Variants in EMCN observed in about 807,000 individuals in gnomAD.
The protein encoded by EMCN is MUC-14.
EMCN carries 37 observed loss-of-function variants against 38.4 expected under a neutral mutation model. The ratio of observed to expected loss-of-function variants is 0.96; its 90% CI spans 0.74 to 1.27. The LOEUF is 1.27. Ranked by LOEUF, EMCN falls within the 50% of genes most tolerant of loss-of-function variation. EMCN has a pLI of 0.00. For missense variants in EMCN, 318 were observed against 302.8 expected, an observed-to-expected ratio of 1.05 and a Z score of -0.37; for synonymous variants, 95 against 100.8, an observed-to-expected ratio of 0.94 and a Z score of 0.35.
intron 5 of EMCN, among the ~76,000 whole-genome samples, chr4:100,445,730 A>G (rs566342394): frequency 6.6e-6 from 1 of 152,304 alleles, no homozygotes; most frequent in East Asian, 1.9e-4. Context: ...AAAAACCAGA[A>G]GTATAAAGAA....
At chr4:100,435,853 C>A (rs1302381412) in intron 5 of EMCN, among the ~76,000 whole-genome samples, 1 of 152,128 alleles carries the variant, frequency 6.6e-6, no homozygotes, top group Non-Finnish European at 1.5e-5. Context: ...GGACCCCTTC[C>A]TTATACCTTA....
In EMCN at chr4:100,467,608, A is replaced by T. The variant is rs186094418; in HGVS notation, c.260-2069T>A. Among the ~76,000 whole-genome samples the T allele has an allele frequency of 6.0e-3, 903 of 150,004 alleles. 11 individuals are homozygous for T. The highest frequency in any genetic ancestry group is 0.01 in the Non-Finnish European group (687 of 67,518). On this transcript the variant is annotated intron_variant, in intron 3 of 11. Transcript: ENST00000296420. ...GAGGCAGGAGAATGGCATGAACCCA[A>T]GAGGCGGAGCTTGCAGTGAGCCGGG...
intron 4 of EMCN, among the ~76,000 whole-genome samples, chr4:100,454,149 T>G (rs939013022): frequency 1.3e-5 from 2 of 150,286 alleles, no homozygotes; most frequent in African/African-American, 2.5e-5. Flanking sequence ...GTTGTGCACA[T>G]GTACCCTAAA....
intron 7 of EMCN, among the ~76,000 whole-genome samples, chr4:100,421,922 T>G (rs911030910): frequency 6.6e-6 from 1 of 152,026 alleles, no homozygotes; most frequent in Non-Finnish European, 1.5e-5. Context: ...GATGTGTATG[T>G]GTGTCTGTTT....
rs747921609 is a variant in EMCN at position 100,423,296 on chromosome 4, C to A, written c.508+16G>T. Reference sequence around the variant, plus strand: ...CAGGTAGAGCAGATTTCCACTCAGGCACACAGATATCATACCTTGAGACTG... The same window carrying A: ...CAGGTAGAGCAGATTTCCACTCAGGAACACAGATATCATACCTTGAGACTG... On this transcript the variant is annotated intron_variant, in intron 6 of 11. Transcript: ENST00000296420. The A allele has an allele frequency of 6.3e-7, 1 of 1,585,424 alleles. No individual in the cohort carries two copies. Among genetic ancestry groups the A allele is most frequent in the Admixed American group, 1.7e-5 (1 of 59,806 alleles).
intron 1 of EMCN, among the ~76,000 whole-genome samples, chr4:100,505,294 T>G (rs1002991322): frequency 1.3e-5 from 2 of 152,130 alleles, no homozygotes; most frequent in Admixed American, 1.3e-4. Context: ...TTCTACAATC[T>G]CTCATCTCCA....
intron 8 of EMCN, among the ~76,000 whole-genome samples, chr4:100,420,556 G>A (rs1266139948): frequency 6.6e-6 from 1 of 151,872 alleles, no homozygotes; most frequent in Admixed American, 6.6e-5. Context: ...GAGTTGAAGG[G>A]GTATTTAGGT....
At chr4:100,441,094 A>C (rs9918028) in intron 5 of EMCN, among the ~76,000 whole-genome samples, 30,220 of 151,956 alleles carry the variant, frequency 0.2, 3,350 homozygotes, top group Middle Eastern at 0.32. Context: ...TCTCAAAAAA[A>C]AAAAAAGTGG....
chr4:100,516,577 C>A (rs1361579167), intron 1 of EMCN, among the ~76,000 whole-genome samples: 5 of 152,078 alleles, frequency 3.3e-5, no homozygotes, highest in African/African-American at 4.8e-5. Flanking sequence ...AAATCAGATT[C>A]TAGTAACTCT....
At chr4:100,477,740 G>A (rs777766864) in intron 2 of EMCN, among the ~76,000 whole-genome samples, 57 of 152,100 alleles carry the variant, frequency 3.7e-4, no homozygotes, top group Non-Finnish European at 7.2e-4. Flanking sequence ...TGGCTAAGAG[G>A]ACCATACTGG....
chr4:100,414,842 G>A (rs1236409819), intron 10 of EMCN, among the ~76,000 whole-genome samples: 1 of 152,196 alleles, frequency 6.6e-6, no homozygotes, highest in South Asian at 2.1e-4. Flanking sequence ...TGGGGAATTG[G>A]TTATTATAAA....
chr4:100,417,772 C>G (rs1726776936), intron 8 of EMCN, among the ~76,000 whole-genome samples: 1 of 152,184 alleles, frequency 6.6e-6, no homozygotes, highest in Admixed American at 6.6e-5. Flanking sequence ...CAGAATGATT[C>G]ATTCTGCACA....
At position 100,445,507 on chromosome 4, in the gene EMCN, G is replaced by A. The variant is rs372898721; in HGVS notation, c.415+2026C>T. On this transcript the variant is annotated intron_variant, in intron 5 of 11. Coordinates refer to ENST00000296420, the MANE Select transcript of EMCN (RefSeq NM_016242.4). The stretch of plus-strand genomic sequence containing the variant: ...GAGAACTGTGTGTGATATATTCAAA[G>A]ACTGAATCCATATTTGCTTATATTT... Among the ~76,000 whole-genome samples the A allele has an allele frequency of 4.5e-3, 686 of 152,128 alleles. 4 individuals are homozygous for A. The highest frequency in any genetic ancestry group is 0.016 in the African/African-American group (659 of 41,528).
chr4:100,432,385 A>G (rs1727227593), intron 5 of EMCN, among the ~76,000 whole-genome samples: 1 of 152,158 alleles, frequency 6.6e-6, no homozygotes, highest in Non-Finnish European at 1.5e-5. Context: ...ATGACATATT[A>G]CTTTATACCT....
intron 4 of EMCN, among the ~76,000 whole-genome samples, chr4:100,455,725 C>G (rs746106125): frequency 6.6e-6 from 1 of 151,930 alleles, no homozygotes; most frequent in South Asian, 2.1e-4. Flanking sequence ...ACTTGGGGCT[C>G]TTTAAGTTAC....
Position 100,425,077 on chromosome 4 carries a change from C to G in EMCN, c.416-1673G>C, listed in dbSNP as rs1000964994. ...TGGAAAGATTTGGTGGCTGCTTGAA[C>G]AAATACTTTAAAAATTTGTTTTGTT... is the stretch of plus-strand genomic sequence containing the variant. On this transcript the variant is annotated intron_variant, in intron 5 of 11. Coordinates refer to ENST00000296420, the MANE Select transcript of EMCN (RefSeq NM_016242.4). Among the ~76,000 whole-genome samples the G allele has an allele frequency of 4.0e-5, 6 of 150,340 alleles. No homozygotes were observed. In the Admixed American group the frequency reaches 4.0e-4, roughly 10 times the overall value.
chr4:100,475,669 T>G (rs896805326), intron 2 of EMCN, among the ~76,000 whole-genome samples: 2,068 of 107,054 alleles, frequency 0.019, 245 homozygotes, highest in Non-Finnish European at 0.031. Context: ...CTTTTTTTTT[T>G]TTTTTTTTTT....
chr4:100,401,074 T>C (rs1726245085), intron 11 of EMCN, among the ~76,000 whole-genome samples: 1 of 152,108 alleles, frequency 6.6e-6, no homozygotes, highest in South Asian at 2.1e-4. Context: ...CAACAATTTA[T>C]AAACAATCAG....
chr4:100,409,413 T>A (rs566523767), intron 11 of EMCN, among the ~76,000 whole-genome samples: 9 of 152,162 alleles, frequency 5.9e-5, no homozygotes, highest in Non-Finnish European at 1.0e-4. Context: ...GAGACTTAAT[T>A]CCAAAGCAGG....
Sources: allele counts gnomAD v4.1 joint callset (sites outside exome capture counted in the v4.1 genomes callset), GRCh38; gene constraint gnomAD v4.1.1; transcripts MANE v1.5; gene names NCBI Gene and HGNC (gene_info 2026-07-23, HGNC 2026-07-21).